SLC12A6: variants seen among roughly 807,000 people sequenced by gnomAD.
The protein encoded by SLC12A6 is solute carrier family 12 member 6.
In SLC12A6, 66 loss-of-function variants were observed where a neutral mutation model predicts 135.3. The ratio of observed to expected loss-of-function variants is 0.49; its 90% CI spans 0.40 to 0.60. The LOEUF (loss-of-function observed/expected upper bound fraction) is 0.60, where lower values mean the gene tolerates loss of function less well. Among genes scored for constraint, SLC12A6 ranks in the 20% least tolerant of loss-of-function variants. The pLI, the probability that SLC12A6 is intolerant of heterozygous loss-of-function variation, is 0.00. For missense variants in SLC12A6, 1,058 were observed against 1,452.3 expected (o/e 0.73, Z 4.41); for synonymous variants, 513 against 508.8 (o/e 1.01, Z -0.11).
chr15:34,230,166 G>A lies in SLC12A6; in HGVS notation c.*3715C>T, dbSNP rs1179889622. 3 of 212,052 alleles carry A rather than the reference G, an allele frequency of 1.4e-5. No homozygotes were observed. The highest frequency in any genetic ancestry group is 1.6e-3 in the Middle Eastern group (1 of 610). 13.1% of individuals were successfully genotyped at this position (212,052 alleles called of 1,614,324 possible). A position where few individuals can be genotyped will look rare whatever the true frequency, so the allele number is the denominator to read the frequency against. ...ACAATGCATAAAAAAAGTTGCACAA[G>A]TTCCTTATTTTCCTTAATATTTCAC... On this transcript the variant is annotated 3_prime_UTR_variant, in exon 26 of 26. Transcript: ENST00000354181.
chr15:34,232,059 C>T lies in SLC12A6; in HGVS notation c.*1822G>A, dbSNP rs1890987450. ...TGAAATTCAAAAACAGCCATGAATA[C>T]AGGCAAGAAAAGTTTCTCTAAATAA... is the stretch of plus-strand genomic sequence containing the variant. On this transcript the variant is annotated 3_prime_UTR_variant, in exon 26 of 26. Transcript: ENST00000354181. 1 of 152,118 alleles carries T rather than the reference C, an allele frequency of 6.6e-6. No homozygotes were observed. Among genetic ancestry groups the T allele is most frequent in the South Asian group, 2.1e-4 (1 of 4,830 alleles). The allele number at this position is 152,118 out of a possible 1,614,324, so 9.4% of individuals were successfully genotyped here.
In SLC12A6 at chr15:34,260,487, T is replaced by C. The variant is rs144894889; in HGVS notation, c.411+439A>G. ...GTCAGCCAGGATGGTCTCGATCTCC[T>C]AACCTTGTGATCCACCCGCCTCGGC... On this transcript the variant is annotated intron_variant, in intron 4 of 25. Coordinates refer to ENST00000354181, the MANE Select transcript of SLC12A6 (RefSeq NM_001365088.1). Among the ~76,000 whole-genome samples the C allele has an allele frequency of 2.0e-3, 311 of 152,306 alleles. 2 individuals carry two copies. Among genetic ancestry groups the C allele is most frequent in the African/African-American group, 7.0e-3 (293 of 41,580 alleles).
chr15:34,285,712 G>A (rs866552260), intron 2 of SLC12A6, among the ~76,000 whole-genome samples: 19,212 of 66,404 alleles, frequency 0.29, 1,551 homozygotes, highest in East Asian at 0.56. Context: ...GTGTGTGTGT[G>A]TTTGTCATAC....
At position 34,263,544 on chromosome 15, in the gene SLC12A6, AG is replaced by A. The variant is rs200656775; in HGVS notation, c.317-2525del. 2.1e-3 allele frequency among the ~76,000 whole-genome samples: 320 copies of A among 152,296 alleles called. 4 individuals are homozygous for A. The East Asian group carries it at 0.051, about 24-fold the overall frequency. ...ACAAAAATTCGGTGAAAGAGCTATG[AG>A]GAAAAAAAGGAGACCAGGCCCATAA... is the stretch of plus-strand genomic sequence containing the variant. On this transcript the variant is annotated intron_variant, in intron 3 of 25. Coordinates refer to ENST00000354181, the MANE Select transcript of SLC12A6 (RefSeq NM_001365088.1).
Position 34,239,149 on chromosome 15 carries a change from G to C in SLC12A6, c.2448C>G (p.His816Gln). ...EALAAEQTIK[H>Q]LMEAEKVKGF... is the part of the protein sequence containing the mutation. ...CTTTTACCTTCTCTGCCTCCATTAG[G>C]TGCTTTATGGTCTGAAAGAGACACA... Residue 816 changes from histidine to glutamine, a missense_variant, in exon 20 of 26, where the codon CAC (histidine) becomes CAG (glutamine). Physicochemically the swap from His to Gln is conservative, Grantham distance 24 (BLOSUM62 0). Transcript: ENST00000354181. 1 of 1,613,104 alleles carries C rather than the reference G, an allele frequency of 6.2e-7. No homozygotes were observed. The highest frequency in any genetic ancestry group is 8.5e-7 in the Non-Finnish European group (1 of 1,179,124).
At chr15:34,337,944 C>T (rs1890307664), upstream of SLC12A6, 2 of 152,242 alleles carry the variant, frequency 1.3e-5, no homozygotes, top group Admixed American at 1.3e-4. Context: ...CCCGCTTGTT[C>T]CTCATTCGAG....
At chr15:34,317,503 G>C (rs1221104830) in intron 2 of SLC12A6, among the ~76,000 whole-genome samples, 3 of 152,138 alleles carry the variant, frequency 2.0e-5, no homozygotes, top group African/African-American at 7.2e-5. Context: ...AGGAGTTTGA[G>C]ATCAGCCTGG....
chr15:34,252,432 C>T (rs1042336612), intron 9 of SLC12A6, 48 bp from the exon 10 acceptor site: 14 of 1,127,930 alleles, frequency 1.2e-5, no homozygotes, highest in Non-Finnish European at 1.7e-5. Context: ...AAAAAAAGTA[C>T]ATTAAAAAAA....
intron 3 of SLC12A6, among the ~76,000 whole-genome samples, chr15:34,272,361 G>C (rs1043073835): frequency 3.3e-5 from 5 of 152,156 alleles, no homozygotes; most frequent in African/African-American, 9.7e-5. Context: ...TCAGTCTTTT[G>C]CAAACTCATG....
chr15:34,235,950 G>A, intron 24 of SLC12A6, 65 bp downstream of exon 24: 2 of 1,260,120 alleles, frequency 1.6e-6, no homozygotes, highest in Non-Finnish European at 2.3e-6. Flanking sequence ...GTGTGTCCAG[G>A]CAAAGTCACA....
chr15:34,294,571 T>A (rs565034786), intron 2 of SLC12A6, among the ~76,000 whole-genome samples: 66 of 147,742 alleles, frequency 4.5e-4, no homozygotes, highest in Non-Finnish European at 6.3e-4. Flanking sequence ...ACCTTTTTTT[T>A]AATTTTATTT....
intron 2 of SLC12A6, among the ~76,000 whole-genome samples, chr15:34,288,040 G>A (rs777407397): frequency 6.6e-6 from 1 of 152,192 alleles, no homozygotes; most frequent in East Asian, 1.9e-4. Context: ...TTTTAGACAT[G>A]AAGTCTTTGC....
intron 2 of SLC12A6, among the ~76,000 whole-genome samples, chr15:34,328,215 A>G (rs1251920497): frequency 6.6e-6 from 1 of 152,204 alleles, no homozygotes; most frequent in East Asian, 1.9e-4. Flanking sequence ...TGAAATTTTA[A>G]GAAGAAAAAA....
At chr15:34,295,211 G>A (rs763736241) in intron 2 of SLC12A6, among the ~76,000 whole-genome samples, 2 of 152,178 alleles carry the variant, frequency 1.3e-5, no homozygotes, top group African/African-American at 4.8e-5. Context: ...GCTGAAGACA[G>A]AGCCCACTAT....
intron 2 of SLC12A6, chr15:34,318,771 C>T: frequency 6.3e-6 from 10 of 1,589,036 alleles, no homozygotes; most frequent in Non-Finnish European, 8.6e-6. Flanking sequence ...TCGTTTCAGA[C>T]TGTGATCCCT....
intron 2 of SLC12A6, among the ~76,000 whole-genome samples, chr15:34,308,644 A>C (rs1194976312): frequency 6.0e-5 from 9 of 149,590 alleles, no homozygotes; most frequent in Admixed American, 1.3e-4. Context: ...AAAAAAAAAA[A>C]AAAAAAAACA....
At chr15:34,277,632 C>G (rs1894389065) in intron 2 of SLC12A6, among the ~76,000 whole-genome samples, 1 of 152,082 alleles carries the variant, frequency 6.6e-6, no homozygotes, top group Non-Finnish European at 1.5e-5. Context: ...AATTTTAGAA[C>G]TAGAAGAACC....
chr15:34,248,751 T>C (rs982880685), intron 13 of SLC12A6, among the ~76,000 whole-genome samples: 2 of 152,120 alleles, frequency 1.3e-5, no homozygotes, highest in Non-Finnish European at 2.9e-5. Flanking sequence ...TGCTATAATA[T>C]AGTATATTCA....
Position 34,304,950 on chromosome 15 carries a change from G to C in SLC12A6, c.272-29561C>G, listed in dbSNP as rs527478833. ...GAATTTTCTCAGAGGAGTTAAGTGG[G>C]TATTATATCCTTGAAATTTTTGTAT... is the stretch of plus-strand genomic sequence containing the variant. On this transcript the variant is annotated intron_variant, in intron 2 of 25. Transcript: ENST00000354181. 6.6e-5 allele frequency among the ~76,000 whole-genome samples: 10 copies of C among 152,260 alleles called. No homozygotes were observed. In the South Asian group the frequency reaches 2.1e-3, roughly 32 times the overall value.
Sources: gnomAD v4.1 joint callset for allele counts (sites outside exome capture counted in the v4.1 genomes callset) on GRCh38, gnomAD v4.1.1 for gene constraint, MANE v1.5 for transcripts, NCBI Gene and HGNC (gene_info 2026-07-23, HGNC 2026-07-21) for gene names.